Variants in ZBTB40 observed in about 807,000 individuals in gnomAD.
The protein encoded by ZBTB40 is zinc finger and BTB domain-containing protein 40.
A neutral mutation model predicts 117.5 loss-of-function variants in ZBTB40; 60 were observed. That is an observed-to-expected ratio of 0.51 (90% CI 0.41 to 0.63). The LOEUF (loss-of-function observed/expected upper bound fraction) is 0.63, where lower values mean the gene tolerates loss of function less well. Among genes scored for constraint, ZBTB40 ranks in the 30% least tolerant of loss-of-function variants. The pLI, the probability that ZBTB40 is intolerant of heterozygous loss-of-function variation, is 0.00. For synonymous variants in ZBTB40, 525 were observed against 577.1 expected (o/e 0.91, Z 1.29); for missense variants, 1,287 against 1,498.5 (o/e 0.86, Z 2.33).
At chr1:22,505,984 G>T (rs989359780) in intron 5 of ZBTB40, 65 bp from the exon 6 acceptor site, 1 of 1,566,322 alleles carries the variant, frequency 6.4e-7, no homozygotes. Context: ...AGGTTTTCCA[G>T]TAGTGTGTCA....
intron 3 of ZBTB40, among the ~76,000 whole-genome samples, chr1:22,500,796 A>G (rs1485698505): frequency 6.6e-6 from 1 of 152,242 alleles, no homozygotes; most frequent in African/African-American, 2.4e-5. Flanking sequence ...GCTGGCAACT[A>G]CAAGCCAACA....
chr1:22,474,522 T>G (rs1308894796), intron 1 of ZBTB40, among the ~76,000 whole-genome samples: 1 of 152,228 alleles, frequency 6.6e-6, no homozygotes, highest in African/African-American at 2.4e-5. Flanking sequence ...TCTTTTAACT[T>G]AGCTCATCCC....
intron 12 of ZBTB40, among the ~76,000 whole-genome samples, chr1:22,517,058 G>A (rs575802597): frequency 4.6e-5 from 7 of 152,264 alleles, no homozygotes; most frequent in South Asian, 2.1e-4. Context: ...CTTGTGCAGT[G>A]AGAACTCCGT....
At chr1:22,515,590 C>T (rs1307855507) in intron 12 of ZBTB40, among the ~76,000 whole-genome samples, 1 of 152,192 alleles carries the variant, frequency 6.6e-6, no homozygotes, top group Non-Finnish European at 1.5e-5. Context: ...ACCCCAACCT[C>T]TGCCTCCATC....
At chr1:22,516,491 C>T (rs542745407) in intron 12 of ZBTB40, among the ~76,000 whole-genome samples, 4 of 152,126 alleles carry the variant, frequency 2.6e-5, no homozygotes, top group South Asian at 2.1e-4. Flanking sequence ...GGATTGAGAA[C>T]GTCAAGGACT....
intron 6 of ZBTB40, among the ~76,000 whole-genome samples, chr1:22,507,258 C>T (rs115651788): frequency 6.6e-6 from 1 of 152,130 alleles, no homozygotes; most frequent in African/African-American, 2.4e-5. Flanking sequence ...CTATCACATT[C>T]GTTTTTGTGT....
chr1:22,437,651 C>T (rs1440116415), intron 1 of ZBTB40, among the ~76,000 whole-genome samples: 1 of 151,800 alleles, frequency 6.6e-6, no homozygotes, highest in Non-Finnish European at 1.5e-5. Context: ...AACTCCTGAC[C>T]TCAGGTGATT....
At chr1:22,511,430 T>A in intron 10 of ZBTB40, 83 bp downstream of exon 10, 1 of 1,561,472 alleles carries the variant, frequency 6.4e-7, no homozygotes. Flanking sequence ...TTTCATATCA[T>A]AGTTTATCAC....
intron 1 of ZBTB40, among the ~76,000 whole-genome samples, chr1:22,474,021 A>T (rs1401596322): frequency 6.6e-6 from 1 of 152,130 alleles, no homozygotes; most frequent in African/African-American, 2.4e-5. Context: ...CATCATCCCT[A>T]CTTGATATCT....
At chr1:22,431,235 ATATAGTATG>A (rs1474370235) in intron 1 of ZBTB40, among the ~76,000 whole-genome samples, 27 of 149,776 alleles carry the variant, frequency 1.8e-4, no homozygotes, top group African/African-American at 6.1e-4. Context: ...GAGCATTTAT[ATATAGTATG>A]CATATACAAT....
At chr1:22,505,155 G>A (rs576994974) in intron 5 of ZBTB40, among the ~76,000 whole-genome samples, 1 of 152,274 alleles carries the variant, frequency 6.6e-6, no homozygotes, top group South Asian at 2.1e-4. Context: ...ATGACTAGGA[G>A]CTGGCATTTT....
rs1162189725 is a variant in ZBTB40 at position 22,527,653 on chromosome 1, C to T, written c.*1257C>T. The T allele has an allele frequency of 6.6e-6, 1 of 152,378 alleles. No individual in the cohort carries two copies. Among genetic ancestry groups the T allele is most frequent in the African/African-American group, 2.4e-5 (1 of 41,456 alleles). The allele number at this position is 152,378 out of a possible 1,614,324, so 9.4% of individuals were successfully genotyped here. A position where few individuals can be genotyped will look rare whatever the true frequency, so the allele number is the denominator to read the frequency against. On this transcript the variant is annotated 3_prime_UTR_variant, in exon 18 of 18. Coordinates refer to ENST00000375647, the MANE Select transcript of ZBTB40 (RefSeq NM_014870.4). ...GTCTGCCACCTTGTGTGGCTTGACC[C>T]CCTGTGGAGGGGAGTGCCTGGTTGG...
chr1:22,478,333 C>T (rs539858601), intron 1 of ZBTB40, among the ~76,000 whole-genome samples: 161 of 152,222 alleles, frequency 1.1e-3, no homozygotes, highest in Admixed American at 3.1e-3. Context: ...CTGCAAGCTC[C>T]GCCTCCTGGG....
At chr1:22,456,357 A>T (rs190961700) in intron 1 of ZBTB40, among the ~76,000 whole-genome samples, 4 of 152,196 alleles carry the variant, frequency 2.6e-5, no homozygotes, top group Non-Finnish European at 5.9e-5. Flanking sequence ...CCTCAAAATT[A>T]TGATGCCACG....
chr1:22,511,633 A>G, intron 10 of ZBTB40, 43 bp from the exon 11 acceptor site: 1 of 1,598,066 alleles, frequency 6.3e-7, no homozygotes, highest in South Asian at 1.1e-5. Flanking sequence ...AGCAAAATAG[A>G]AACAGAGAGT....
At chr1:22,483,275 G>A (rs1298846089) in intron 1 of ZBTB40, among the ~76,000 whole-genome samples, 1 of 152,074 alleles carries the variant, frequency 6.6e-6, no homozygotes, top group Non-Finnish European at 1.5e-5. Flanking sequence ...GTAGGCTTTT[G>A]TGTGGCCATA....
intron 5 of ZBTB40, among the ~76,000 whole-genome samples, chr1:22,505,510 G>A (rs188314167): frequency 6.8e-4 from 103 of 152,114 alleles, no homozygotes; most frequent in Non-Finnish European, 1.1e-3. Context: ...AATCCAGAAA[G>A]GCACTTTAAA....
intron 1 of ZBTB40, among the ~76,000 whole-genome samples, chr1:22,461,900 T>A (rs1428954027): frequency 6.6e-6 from 1 of 152,184 alleles, no homozygotes; most frequent in African/African-American, 2.4e-5. Context: ...GACAAGCACA[T>A]CTTTTTCGCT....
Position 22,509,089 on chromosome 1 carries a change from C to A in ZBTB40, c.1700-11C>A. 6.2e-7 allele frequency: 1 copy of A among 1,613,968 alleles called. No homozygotes were observed. The highest frequency in any genetic ancestry group is 1.1e-5 in the South Asian group (1 of 91,062). ...TTTGCCTAATGAGTTTTTGATCCCC[C>A]TTTTTTTCAGTGACCACCCCAGAAC... On this transcript the variant is annotated splice_polypyrimidine_tract_variant and intron_variant, in intron 8 of 17. Transcript: ENST00000375647.
Sources: gnomAD v4.1 joint callset for allele counts (sites outside exome capture counted in the v4.1 genomes callset) on GRCh38, gnomAD v4.1.1 for gene constraint, MANE v1.5 for transcripts, NCBI Gene and HGNC (gene_info 2026-07-23, HGNC 2026-07-21) for gene names.